Variants in OPCML observed in about 807,000 individuals in gnomAD.
OPCML encodes the protein opioid-binding protein/cell adhesion molecule.
Under a neutral mutation model 37.8 loss-of-function variants are expected in OPCML, and 13 were observed. The ratio of observed to expected loss-of-function variants is 0.34; its 90% CI spans 0.22 to 0.55. The LOEUF (loss-of-function observed/expected upper bound fraction) is 0.55. OPCML is among the 20% of genes least tolerant of loss of function. OPCML has a pLI of 0.91. For synonymous variants in OPCML, 176 were observed against 168.8 expected (o/e 1.04, Z -0.33); for missense variants, 341 against 435.6 (o/e 0.78, Z 1.93).
intron 1 of OPCML, among the ~76,000 whole-genome samples, chr11:132,999,705 C>A (rs1174317201): frequency 6.6e-6 from 1 of 152,264 alleles, no homozygotes; most frequent in East Asian, 1.9e-4. Flanking sequence ...TCAGGAACTC[C>A]GGCGCCAAGG....
At chr11:132,559,268 G>A (rs889122980) in intron 3 of OPCML, among the ~76,000 whole-genome samples, 1 of 152,002 alleles carries the variant, frequency 6.6e-6, no homozygotes, top group African/African-American at 2.4e-5. Flanking sequence ...AAAGGAAGCA[G>A]GTCTGCAGAA....
intron 1 of OPCML, among the ~76,000 whole-genome samples, chr11:133,027,380 A>G (rs1947573175): frequency 6.6e-6 from 1 of 152,178 alleles, no homozygotes; most frequent in Non-Finnish European, 1.5e-5. Context: ...TCAGGTAACA[A>G]AGAAGGTACT....
At chr11:132,464,307 A>G (rs2096112726) in intron 4 of OPCML, among the ~76,000 whole-genome samples, 1 of 152,102 alleles carries the variant, frequency 6.6e-6, no homozygotes, top group South Asian at 2.1e-4. Context: ...CCAGCCTCCT[A>G]ATCTTGCCTA....
chr11:133,076,708 G>GTCATCA (rs10676415), intron 1 of OPCML, among the ~76,000 whole-genome samples: 78 of 151,122 alleles, frequency 5.2e-4, no homozygotes, highest in African/African-American at 1.3e-3. Flanking sequence ...CCTCATCATT[G>GTCATCA]TCATCATCAT....
intron 1 of OPCML, among the ~76,000 whole-genome samples, chr11:133,348,623 C>T (rs950002201): frequency 9.2e-5 from 14 of 152,114 alleles, no homozygotes; most frequent in Admixed American, 7.9e-4. Context: ...TCTGAGACTT[C>T]GTGGCTTGCT....
intron 1 of OPCML, among the ~76,000 whole-genome samples, chr11:133,364,596 C>T (rs751357990): frequency 2.0e-4 from 30 of 152,050 alleles, no homozygotes; most frequent in Non-Finnish European, 3.1e-4. Flanking sequence ...TTTTTCCATC[C>T]GTAAAAAGGT....
intron 1 of OPCML, among the ~76,000 whole-genome samples, chr11:133,424,060 T>C (rs934371077): frequency 2.0e-5 from 3 of 152,196 alleles, no homozygotes; most frequent in Admixed American, 6.5e-5. Context: ...TATTCCTTAA[T>C]AGCAACACAA....
chr11:132,718,490 C>T (rs1304102813), intron 2 of OPCML, among the ~76,000 whole-genome samples: 7 of 152,094 alleles, frequency 4.6e-5, no homozygotes, highest in African/African-American at 1.4e-4. Flanking sequence ...ACCAGGCATC[C>T]GTAAGATCTG....
chr11:132,685,110 A>G (rs1943110391), intron 2 of OPCML, among the ~76,000 whole-genome samples: 1 of 152,208 alleles, frequency 6.6e-6, no homozygotes, highest in South Asian at 2.1e-4. Context: ...TTAAATGGCT[A>G]TCTTTGGATT....
At chr11:132,709,232 T>G (rs958447090) in intron 2 of OPCML, among the ~76,000 whole-genome samples, 1 of 152,194 alleles carries the variant, frequency 6.6e-6, no homozygotes, top group Non-Finnish European at 1.5e-5. Flanking sequence ...AGTGCAGTCT[T>G]TCAAGCAGGC....
At chr11:133,274,636 C>T (rs1045111875) in intron 1 of OPCML, among the ~76,000 whole-genome samples, 5 of 152,180 alleles carry the variant, frequency 3.3e-5, no homozygotes, top group Admixed American at 6.5e-5. Context: ...CCTGGGAAAC[C>T]GGCACAGCCC....
chr11:133,198,683 G>C (rs992334312), intron 1 of OPCML, among the ~76,000 whole-genome samples: 1 of 152,232 alleles, frequency 6.6e-6, no homozygotes, highest in African/African-American at 2.4e-5. Context: ...ATTTTACAGA[G>C]AGACCATGGG....
chr11:132,724,792 C>T (rs1944817039), intron 2 of OPCML, among the ~76,000 whole-genome samples: 1 of 152,114 alleles, frequency 6.6e-6, no homozygotes, highest in Non-Finnish European at 1.5e-5. Flanking sequence ...AGAAATTGGC[C>T]AAAACAAAGG....
chr11:132,526,073 C>A (rs754912392), intron 4 of OPCML, among the ~76,000 whole-genome samples: 1 of 152,078 alleles, frequency 6.6e-6, no homozygotes, highest in Non-Finnish European at 1.5e-5. Flanking sequence ...GGCTAAATTG[C>A]AACTATTACA....
intron 3 of OPCML, among the ~76,000 whole-genome samples, chr11:132,545,666 AG>A (rs2096367129): frequency 1.3e-5 from 2 of 152,322 alleles, no homozygotes; most frequent in South Asian, 4.1e-4. Context: ...AGGTAAAACA[AG>A]CAAATAAGAA....
At chr11:133,203,445 T>G (rs1938890495) in intron 1 of OPCML, among the ~76,000 whole-genome samples, 1 of 152,178 alleles carries the variant, frequency 6.6e-6, no homozygotes, top group Non-Finnish European at 1.5e-5. Context: ...GCCTCTCAGG[T>G]GAAGCCATGG....
intron 1 of OPCML, among the ~76,000 whole-genome samples, chr11:133,100,078 C>A (rs1949063893): frequency 6.6e-6 from 1 of 152,114 alleles, no homozygotes; most frequent in South Asian, 2.1e-4. Context: ...ACCAGAAAAC[C>A]AAATACCATG....
At chr11:133,233,933 T>C (rs1940402537) in intron 1 of OPCML, among the ~76,000 whole-genome samples, 1 of 152,096 alleles carries the variant, frequency 6.6e-6, no homozygotes, top group South Asian at 2.1e-4. Flanking sequence ...AGCTCCCCAC[T>C]GACAAGCTCC....
At chr11:133,167,961 A>G (rs1427311344) in intron 1 of OPCML, among the ~76,000 whole-genome samples, 1 of 152,200 alleles carries the variant, frequency 6.6e-6, no homozygotes. Context: ...ATTGCAGAAG[A>G]CAGTGTCCCC....
Sources: gnomAD v4.1 joint callset for allele counts (sites outside exome capture counted in the v4.1 genomes callset) on GRCh38, gnomAD v4.1.1 for gene constraint, MANE v1.5 for transcripts, NCBI Gene and HGNC (gene_info 2026-07-23, HGNC 2026-07-21) for gene names.